MICAL3: variants seen among roughly 807,000 people sequenced by gnomAD.
MICAL3 encodes [F-actin]-monooxygenase MICAL3.
Under a neutral mutation model 207.4 loss-of-function variants are expected in MICAL3, and 62 were observed. That is an observed-to-expected ratio of 0.30 (90% CI 0.24 to 0.37). MICAL3 has a LOEUF of 0.37. Ranked by LOEUF, MICAL3 falls within the 10% of genes least tolerant of loss-of-function variation. MICAL3 has a pLI of 1.00. For synonymous variants in MICAL3, 1,077 were observed against 1,069.3 expected, an observed-to-expected ratio of 1.01 and a Z score of -0.14; for missense variants, 2,368 against 2,635.6, an observed-to-expected ratio of 0.90 and a Z score of 2.22.
At chr22:17,953,949 A>AG (rs1202015705) in intron 1 of MICAL3, among the ~76,000 whole-genome samples, 7 of 36,488 alleles carry the variant, frequency 1.9e-4, no homozygotes, top group Non-Finnish European at 3.9e-4. Context: ...AAAAAAAAAA[A>AG]AAAAAAAAAA....
chr22:17,826,889 T>C (rs1363952912), intron 22 of MICAL3, among the ~76,000 whole-genome samples: 1 of 152,040 alleles, frequency 6.6e-6, no homozygotes, highest in Admixed American at 6.5e-5. Context: ...ATTAATGCTG[T>C]TTTATGATGG....
chr22:17,825,783 TAA>T, intron 22 of MICAL3, among the ~76,000 whole-genome samples: 1 of 152,334 alleles, frequency 6.6e-6, no homozygotes, highest in East Asian at 1.9e-4. Flanking sequence ...CCAAGAATGT[TAA>T]ACCTTCTGCA....
chr22:18,017,507 G>A (rs1309940762), intron 1 of MICAL3, among the ~76,000 whole-genome samples: 1 of 151,808 alleles, frequency 6.6e-6, no homozygotes, highest in African/African-American at 2.4e-5. Context: ...GAGCCACCGT[G>A]CCTGGCCTAA....
In MICAL3 at chr22:17,887,160, T is replaced by A; in HGVS notation, c.2067+10A>T. The A allele has an allele frequency of 6.2e-7, 1 of 1,612,192 alleles. No homozygotes were observed. The highest frequency in any genetic ancestry group is 8.5e-7 in the Non-Finnish European group (1 of 1,178,552). On this transcript the variant is annotated intron_variant, in intron 15 of 31. Transcript: ENST00000441493. Reference sequence around the variant, plus strand: ...ATGACCATTCTAGCAATTCCCCAAGTGAATCTCACCTCCTCTGATTGACTG... The same window carrying A: ...ATGACCATTCTAGCAATTCCCCAAGAGAATCTCACCTCCTCTGATTGACTG...
intron 1 of MICAL3, among the ~76,000 whole-genome samples, chr22:17,976,559 G>GTATA (rs1569154060): frequency 7.6e-5 from 6 of 78,834 alleles, no homozygotes; most frequent in African/African-American, 2.2e-4. Flanking sequence ...GTGTGTGTGT[G>GTATA]TGTATATATA....
intron 2 of MICAL3, among the ~76,000 whole-genome samples, chr22:17,906,190 C>A: frequency 6.6e-6 from 1 of 152,224 alleles, no homozygotes; most frequent in East Asian, 1.9e-4. Context: ...TTCTTAAATA[C>A]TTGAAACTTT....
chr22:17,906,841 G>A lies in MICAL3; in HGVS notation c.-29C>T, dbSNP rs376582078. 18 of 1,545,292 alleles carry A rather than the reference G, an allele frequency of 1.2e-5. No homozygotes were observed. Among genetic ancestry groups the A allele is most frequent in the Non-Finnish European group, 1.4e-5 (16 of 1,145,958 alleles). On this transcript the variant is annotated 5_prime_UTR_variant, in exon 2 of 32. Transcript: ENST00000441493. ...GCCTCACTCTCAGCACTCCCCAGAG[G>A]GGGAGGTGGGATGGCTGTGGGTCCA...
intron 1 of MICAL3, among the ~76,000 whole-genome samples, chr22:17,957,273 T>G (rs1043079506): frequency 6.6e-6 from 1 of 152,210 alleles, no homozygotes; most frequent in Non-Finnish European, 1.5e-5. Context: ...GACAAAATCC[T>G]GATGGCCATG....
rs570033552 is a variant in MICAL3, at chr22:17,926,848, T to C, written c.-74-19962A>G. Reference sequence around the variant, plus strand: ...AACGTCACTGCATTGGACTTCATTATCTCTACCTGGACCCTTGCAATAGTC... The same window carrying C: ...AACGTCACTGCATTGGACTTCATTACCTCTACCTGGACCCTTGCAATAGTC... On this transcript the variant is annotated intron_variant, in intron 1 of 31. Transcript: ENST00000441493. Among the ~76,000 whole-genome samples, 8 of 152,358 alleles carry C rather than the reference T, an allele frequency of 5.3e-5. No individual in the cohort carries two copies. In the East Asian group the frequency reaches 1.5e-3, roughly 29 times the overall value.
intron 29 of MICAL3, among the ~76,000 whole-genome samples, chr22:17,808,222 C>T (rs372143245): frequency 3.3e-5 from 5 of 152,246 alleles, no homozygotes; most frequent in Admixed American, 1.3e-4. Flanking sequence ...GCAGCAGTCA[C>T]GAGCACAGGG....
At chr22:17,911,012 G>C (rs913949054) in intron 1 of MICAL3, among the ~76,000 whole-genome samples, 1 of 96,852 alleles carries the variant, frequency 1.0e-5, no homozygotes, top group Non-Finnish European at 1.9e-5. Flanking sequence ...GAGGAGCCGG[G>C]TTGGGGGCTG....
intron 1 of MICAL3, among the ~76,000 whole-genome samples, chr22:17,915,817 T>C (rs1056401992): frequency 1.3e-5 from 2 of 151,372 alleles, no homozygotes; most frequent in African/African-American, 4.8e-5. Flanking sequence ...ATAGGCTGGG[T>C]GTGGCGACTG....
At chr22:17,820,916 A>T (rs1027787268) in intron 25 of MICAL3, among the ~76,000 whole-genome samples, 1 of 141,866 alleles carries the variant, frequency 7.0e-6, no homozygotes, top group Non-Finnish European at 1.5e-5. Context: ...ATTTATATTT[A>T]TAAACATAAA....
At chr22:17,836,191 C>G (rs967984983) in intron 20 of MICAL3, among the ~76,000 whole-genome samples, 1 of 152,218 alleles carries the variant, frequency 6.6e-6, no homozygotes, top group Non-Finnish European at 1.5e-5. Flanking sequence ...AAGGTTTGCT[C>G]CACTTCACGT....
At chr22:18,006,164 G>C (rs1456216733) in intron 1 of MICAL3, 1 of 152,202 alleles carries the variant, frequency 6.6e-6, no homozygotes, top group Non-Finnish European at 1.5e-5. Context: ...CCCACTACAA[G>C]CAAAGAACTG....
intron 29 of MICAL3, among the ~76,000 whole-genome samples, chr22:17,805,488 C>T (rs1302367610): frequency 6.6e-6 from 1 of 152,154 alleles, no homozygotes; most frequent in South Asian, 2.1e-4. Context: ...TGCATCACAA[C>T]GAAATATCCC....
rs1569110721 is a variant in MICAL3, at chr22:17,877,513, G to GGGAGGTTAT, written c.2242-5491_2242-5490insATAACCTCC. Among the ~76,000 whole-genome samples, 82 of 80,874 alleles carry GGGAGGTTAT rather than the reference G, an allele frequency of 1.0e-3. 4 individuals are homozygous for GGGAGGTTAT. Among genetic ancestry groups the GGGAGGTTAT allele is most frequent in the Non-Finnish European group, 1.5e-3 (59 of 39,892 alleles). 53.1% of individuals were successfully genotyped at this position (80,874 alleles called of 152,430 possible). A position where few individuals can be genotyped will look rare whatever the true frequency, so the allele number is the denominator to read the frequency against. On this transcript the variant is annotated intron_variant, in intron 16 of 31. Coordinates refer to ENST00000441493, the MANE Select transcript of MICAL3 (RefSeq NM_015241.3). ...GAGGTTAGGGAGGTTATGGAGGTTA[G>GGGAGGTTAT]GGAGGTTAGGGAGGTGAGGGAGGTT...
chr22:17,806,614 G>T (rs1433625923), intron 29 of MICAL3, among the ~76,000 whole-genome samples: 1 of 152,218 alleles, frequency 6.6e-6, no homozygotes, highest in Non-Finnish European at 1.5e-5. Context: ...GTTCTTGTGT[G>T]TACTGGCTGG....
At chr22:17,976,585 A>ATTTTTTTT (rs1372475997) in intron 1 of MICAL3, among the ~76,000 whole-genome samples, 1 of 83,598 alleles carries the variant, frequency 1.2e-5, no homozygotes, top group Non-Finnish European at 2.1e-5. Flanking sequence ...ATATATATAT[A>ATTTTTTTT]TATATTTTTT....
Sources: allele counts gnomAD v4.1 joint callset (sites outside exome capture counted in the v4.1 genomes callset), GRCh38; gene constraint gnomAD v4.1.1; transcripts MANE v1.5; gene names NCBI Gene and HGNC (gene_info 2026-07-23, HGNC 2026-07-21).